ABTB3: variants seen among roughly 807,000 people sequenced by gnomAD.
ABTB3 encodes the protein ankyrin repeat- and BTB/POZ domain-containing protein 3.
chr12:107,434,114 A>C, the ABTB3 span, among the ~76,000 whole-genome samples: 1 of 152,214 alleles, frequency 6.6e-6, no homozygotes, highest in Non-Finnish European at 1.5e-5. Context: ...GGCATATTTG[A>C]ACACTGACCA....
the ABTB3 span, among the ~76,000 whole-genome samples, chr12:107,537,979 G>C: frequency 6.6e-6 from 1 of 152,104 alleles, no homozygotes. Flanking sequence ...TGACCTCCCA[G>C]CCAAGGGCAC....
chr12:107,484,164 A>G, the ABTB3 span, among the ~76,000 whole-genome samples: 1 of 152,248 alleles, frequency 6.6e-6, no homozygotes, highest in Non-Finnish European at 1.5e-5. Context: ...GACCATGAAC[A>G]TATATTAAGT....
the ABTB3 span, among the ~76,000 whole-genome samples, chr12:107,373,663 T>C: frequency 6.6e-6 from 1 of 152,150 alleles, no homozygotes; most frequent in Admixed American, 6.5e-5. Flanking sequence ...CTCTATCTTA[T>C]AGATAAAGCA....
chr12:107,332,415 TGAG>T, the ABTB3 span, among the ~76,000 whole-genome samples: 1 of 152,138 alleles, frequency 6.6e-6, no homozygotes, highest in Middle Eastern at 3.2e-3. Context: ...GTTTTACAGA[TGAG>T]GACACCTGGG....
the ABTB3 span, among the ~76,000 whole-genome samples, chr12:107,330,918 C>T: frequency 6.6e-6 from 1 of 152,184 alleles, no homozygotes; most frequent in Non-Finnish European, 1.5e-5. Flanking sequence ...AATGCAGAAT[C>T]AAATTAACAG....
the ABTB3 span, chr12:107,319,252 G>C: frequency 6.4e-7 from 1 of 1,557,812 alleles, no homozygotes; most frequent in Non-Finnish European, 8.6e-7. Context: ...TCCAGGAGCT[G>C]GAGGCGCTGC....
At chr12:107,655,272 T>C in the ABTB3 span, among the ~76,000 whole-genome samples, 3 of 151,868 alleles carry the variant, frequency 2.0e-5, no homozygotes, top group Admixed American at 6.6e-5. Context: ...TATATATATA[T>C]ATACACCTAC....
the ABTB3 span, among the ~76,000 whole-genome samples, chr12:107,613,657 C>T: frequency 6.6e-6 from 1 of 152,068 alleles, no homozygotes; most frequent in Non-Finnish European, 1.5e-5. Flanking sequence ...TAATATTGGT[C>T]CCTCCACCCA....
At chr12:107,404,504 T>A in the ABTB3 span, among the ~76,000 whole-genome samples, 5 of 152,134 alleles carry the variant, frequency 3.3e-5, no homozygotes, top group African/African-American at 1.2e-4. Context: ...CTGCAGCCTG[T>A]CTCTAAAATG....
the ABTB3 span, among the ~76,000 whole-genome samples, chr12:107,585,113 A>T: frequency 1.3e-5 from 2 of 152,162 alleles, no homozygotes; most frequent in African/African-American, 4.8e-5. Flanking sequence ...AAATACTGTC[A>T]TTTTCCTCAT....
the ABTB3 span, among the ~76,000 whole-genome samples, chr12:107,380,522 G>A: frequency 6.6e-6 from 1 of 152,220 alleles, no homozygotes; most frequent in Non-Finnish European, 1.5e-5. Context: ...AGAGGACCAC[G>A]CCCTGTATTT....
chr12:107,439,283 C>G, the ABTB3 span, among the ~76,000 whole-genome samples: 1 of 152,236 alleles, frequency 6.6e-6, no homozygotes, highest in East Asian at 1.9e-4. Flanking sequence ...GGACCTGGGT[C>G]TGAACTTTAG....
At chr12:107,330,948 C>G in the ABTB3 span, among the ~76,000 whole-genome samples, 1 of 152,144 alleles carries the variant, frequency 6.6e-6, no homozygotes, top group Admixed American at 6.5e-5. Context: ...GCATTCATAT[C>G]TAAAAGCAAA....
the ABTB3 span, chr12:107,635,216 C>T: frequency 7.1e-7 from 1 of 1,403,784 alleles, no homozygotes; most frequent in African/African-American, 1.4e-5. Flanking sequence ...GGGACGCATT[C>T]CTGGGGCACA....
chr12:107,330,115 C>G, the ABTB3 span, among the ~76,000 whole-genome samples: 4 of 152,014 alleles, frequency 2.6e-5, no homozygotes, highest in African/African-American at 7.3e-5. Flanking sequence ...GTGCAAAGGG[C>G]CTGTGGCAGG....
At chr12:107,508,065 AAGAT>A in the ABTB3 span, among the ~76,000 whole-genome samples, 1 of 138,234 alleles carries the variant, frequency 7.2e-6, no homozygotes, top group East Asian at 2.1e-4. Flanking sequence ...GAAGGGTAGA[AAGAT>A]GGATGGATGG....
At chr12:107,510,797 C>A in the ABTB3 span, among the ~76,000 whole-genome samples, 1 of 152,252 alleles carries the variant, frequency 6.6e-6, no homozygotes, top group Middle Eastern at 3.4e-3. Flanking sequence ...TGGTGTGCAC[C>A]TGTAGTCCCA....
chr12:107,483,126 T>C, the ABTB3 span, among the ~76,000 whole-genome samples: 6 of 151,532 alleles, frequency 4.0e-5, no homozygotes, highest in Admixed American at 1.3e-4. Flanking sequence ...CTCCTAGGCT[T>C]GAGTGATCCT....
the ABTB3 span, among the ~76,000 whole-genome samples, chr12:107,608,132 T>C: frequency 1.3e-5 from 2 of 152,090 alleles, no homozygotes; most frequent in Non-Finnish European, 2.9e-5. Flanking sequence ...TGGGCAAGGG[T>C]GGTGCATATC....
Sources: allele counts gnomAD v4.1 joint callset (sites outside exome capture counted in the v4.1 genomes callset), GRCh38; gene constraint gnomAD v4.1.1; transcripts MANE v1.5; gene names NCBI Gene and HGNC (gene_info 2026-07-23, HGNC 2026-07-21).